ZNF385B: variants seen among roughly 807,000 people sequenced by gnomAD.
ZNF385B encodes the protein zinc finger protein 385B, also known as zinc finger protein 533.
ZNF385B carries 23 observed loss-of-function variants against 39.2 expected under a neutral mutation model. The observed-to-expected ratio is 0.59, with a 90% confidence interval of 0.42 to 0.83. The LOEUF (loss-of-function observed/expected upper bound fraction) is 0.83, where lower values mean the gene tolerates loss of function less well. Ranked by LOEUF, ZNF385B falls within the 40% of genes least tolerant of loss-of-function variation. ZNF385B has a pLI of 0.00. For missense variants in ZNF385B, 552 were observed against 598.9 expected (o/e 0.92, Z 0.82); for synonymous variants, 205 against 222.6 (o/e 0.92, Z 0.70).
At chr2:179,847,202 G>A (rs1366722452) in intron 1 of ZNF385B, among the ~76,000 whole-genome samples, 1 of 152,090 alleles carries the variant, frequency 6.6e-6, no homozygotes, top group Non-Finnish European at 1.5e-5. Context: ...CCTATGACCA[G>A]GCTATAGCTG....
At chr2:179,527,107 G>T (rs1344616020) in intron 4 of ZNF385B, among the ~76,000 whole-genome samples, 3 of 152,190 alleles carry the variant, frequency 2.0e-5, no homozygotes, top group Admixed American at 2.0e-4. Flanking sequence ...TCAAAATGTT[G>T]CAGGCTTTTA....
At chr2:179,632,729 C>CA (rs1162694598) in intron 3 of ZNF385B, among the ~76,000 whole-genome samples, 2 of 151,742 alleles carry the variant, frequency 1.3e-5, no homozygotes, top group East Asian at 3.9e-4. Context: ...GATGGAGACA[C>CA]AAAAAAACCC....
chr2:179,679,604 GTT>G (rs1697323185), intron 3 of ZNF385B, among the ~76,000 whole-genome samples: 2 of 19,960 alleles, frequency 1.0e-4, no homozygotes, highest in Admixed American at 5.5e-4. Flanking sequence ...AGCTATTATT[GTT>G]GTTGTTGTTG....
At chr2:179,655,646 A>C (rs1211262015) in intron 3 of ZNF385B, among the ~76,000 whole-genome samples, 1 of 152,088 alleles carries the variant, frequency 6.6e-6, no homozygotes, top group East Asian at 1.9e-4. Flanking sequence ...CCTTTTAAAG[A>C]AACAAAATTT....
intron 3 of ZNF385B, among the ~76,000 whole-genome samples, chr2:179,739,427 T>C (rs1701958902): frequency 6.6e-6 from 1 of 152,228 alleles, no homozygotes; most frequent in Admixed American, 6.5e-5. Flanking sequence ...AAGCTGTTGC[T>C]TGTAGTACTC....
intron 3 of ZNF385B, among the ~76,000 whole-genome samples, chr2:179,689,580 G>C (rs966246458): frequency 3.9e-5 from 6 of 152,106 alleles, no homozygotes; most frequent in Non-Finnish European, 7.4e-5. Context: ...TGGTCTACAG[G>C]ACCATGGCAG....
chr2:179,539,172 T>C (rs1333080286), intron 4 of ZNF385B, among the ~76,000 whole-genome samples: 9 of 152,190 alleles, frequency 5.9e-5, no homozygotes, highest in Non-Finnish European at 1.3e-4. Context: ...GGTGCCAGTA[T>C]GGTGGGGTTC....
chr2:179,700,653 A>G (rs913841628), intron 3 of ZNF385B, among the ~76,000 whole-genome samples: 2 of 152,222 alleles, frequency 1.3e-5, no homozygotes, highest in Non-Finnish European at 2.9e-5. Flanking sequence ...AATGGTGGAA[A>G]TGATAAAGCA....
Position 179,552,376 on chromosome 2 carries a change from T to C in ZNF385B, c.299-7407A>G, listed in dbSNP as rs556915048. 2.0e-4 allele frequency among the ~76,000 whole-genome samples: 30 copies of C among 149,380 alleles called. 4 individuals carry two copies. The South Asian group carries it at 6.5e-3, about 32-fold the overall frequency. Reference sequence around the variant, plus strand: ...TGAGATCAAATCTGTATATATTCTATATCCTGCAGGAGTAGTTTCTTCTTA... The same window carrying C: ...TGAGATCAAATCTGTATATATTCTACATCCTGCAGGAGTAGTTTCTTCTTA... On this transcript the variant is annotated intron_variant, in intron 3 of 9. Coordinates refer to ENST00000410066, the MANE Select transcript of ZNF385B (RefSeq NM_152520.6).
chr2:179,629,611 C>T (rs967347162), intron 3 of ZNF385B, among the ~76,000 whole-genome samples: 18 of 152,252 alleles, frequency 1.2e-4, no homozygotes, highest in African/African-American at 2.9e-4. Context: ...ATGCAGAAGA[C>T]GGGTGATTTC....
chr2:179,733,782 CAAAAAAA>C (rs11400555), intron 3 of ZNF385B, among the ~76,000 whole-genome samples: 29 of 103,516 alleles, frequency 2.8e-4, no homozygotes, highest in African/African-American at 9.3e-4. Flanking sequence ...GACTCCGTCT[CAAAAAAA>C]AAAAAAAAAA....
At chr2:179,794,848 T>C (rs10168253) in intron 1 of ZNF385B, among the ~76,000 whole-genome samples, 61,284 of 151,766 alleles carry the variant, frequency 0.4, 12,561 homozygotes, top group East Asian at 0.6. Context: ...AGAGAAGAAA[T>C]TGGTCCTTAA....
At chr2:179,737,394 C>A (rs192322651) in intron 3 of ZNF385B, among the ~76,000 whole-genome samples, 49 of 152,154 alleles carry the variant, frequency 3.2e-4, no homozygotes, top group Middle Eastern at 3.4e-3. Flanking sequence ...TCAGAAACTC[C>A]CTTTTTTTTT....
intron 3 of ZNF385B, among the ~76,000 whole-genome samples, chr2:179,613,935 C>A (rs6738101): frequency 0.19 from 28,214 of 149,710 alleles, 3,177 homozygotes; most frequent in South Asian, 0.29. Context: ...CTGGTCTAAA[C>A]GCTCCCTCCT....
In ZNF385B at chr2:179,821,711, C is replaced by G. The variant is rs572546262; in HGVS notation, c.-155+39390G>C. Among the ~76,000 whole-genome samples, 11 of 152,096 alleles carry G rather than the reference C, an allele frequency of 7.2e-5. No individual in the cohort carries two copies. In the South Asian group the frequency reaches 2.1e-3, roughly 29 times the overall value. ...ACCTGTTTCCCCTCTTAGTATATGT[C>G]AGATAAACTAGCATTCTCAGTTCTG... is the stretch of plus-strand genomic sequence containing the variant. On this transcript the variant is annotated intron_variant, in intron 1 of 9. Coordinates refer to ENST00000410066, the MANE Select transcript of ZNF385B (RefSeq NM_152520.6).
At chr2:179,785,176 C>T (rs527453035) in intron 1 of ZNF385B, among the ~76,000 whole-genome samples, 2 of 151,942 alleles carry the variant, frequency 1.3e-5, no homozygotes, top group Non-Finnish European at 2.9e-5. Context: ...CAAATCAATG[C>T]TCTTAGAAGT....
intron 3 of ZNF385B, among the ~76,000 whole-genome samples, chr2:179,750,700 G>A (rs356406): frequency 0.021 from 3,210 of 152,064 alleles, 116 homozygotes; most frequent in African/African-American, 0.073. Context: ...TCTATGAAAC[G>A]AGTTTTCTGA....
intron 1 of ZNF385B, among the ~76,000 whole-genome samples, chr2:179,816,591 G>C (rs963293094): frequency 2.0e-5 from 3 of 152,132 alleles, no homozygotes; most frequent in Admixed American, 1.3e-4. Flanking sequence ...CTTCTGCCTA[G>C]GTTTCCACAT....
intron 1 of ZNF385B, among the ~76,000 whole-genome samples, chr2:179,779,101 T>C (rs552405861): frequency 3.9e-5 from 6 of 152,370 alleles, no homozygotes; most frequent in East Asian, 1.9e-4. Context: ...AAGTTGATGT[T>C]CTTTTTTCCT....
Sources: allele counts gnomAD v4.1 joint callset (sites outside exome capture counted in the v4.1 genomes callset), GRCh38; gene constraint gnomAD v4.1.1; transcripts MANE v1.5; gene names NCBI Gene and HGNC (gene_info 2026-07-23, HGNC 2026-07-21).